Variants in DNAI3 observed in about 807,000 individuals in gnomAD.
DNAI3 encodes the protein dynein axonemal intermediate chain 3, also known as WD repeat domain 63.
DNAI3 carries 83 observed loss-of-function variants against 115.5 expected under a neutral mutation model. The ratio of observed to expected loss-of-function variants is 0.72; its 90% CI spans 0.60 to 0.86. DNAI3 has a LOEUF of 0.86. Ranked by LOEUF, DNAI3 falls within the 40% of genes least tolerant of loss-of-function variation. The pLI is 0.00. For synonymous variants in DNAI3, 320 were observed against 347.0 expected (o/e 0.92, Z 0.86); for missense variants, 1,004 against 1,075.8 (o/e 0.93, Z 0.93).
At chr1:85,075,238 C>T (rs1027914665) in intron 3 of DNAI3, among the ~76,000 whole-genome samples, 1 of 152,080 alleles carries the variant, frequency 6.6e-6, no homozygotes, top group Non-Finnish European at 1.5e-5. Flanking sequence ...ATCTGTCTCT[C>T]TGTCTAGATT....
intron 8 of DNAI3, among the ~76,000 whole-genome samples, chr1:85,092,136 G>A (rs1024943678): frequency 1.3e-5 from 2 of 152,154 alleles, no homozygotes; most frequent in African/African-American, 2.4e-5. Context: ...CAGTAAGTCG[G>A]GTGGAGCCTG....
At chr1:85,126,367 A>G (rs1257987792) in intron 19 of DNAI3, 144 bp from the exon 20 acceptor site, 1 of 814,050 alleles carries the variant, frequency 1.2e-6, no homozygotes, top group Non-Finnish European at 1.8e-6. Flanking sequence ...CCTACAACAA[A>G]GAGAAGTAAG....
At chr1:85,068,154 G>T (rs1571150311) in intron 1 of DNAI3, among the ~76,000 whole-genome samples, 1 of 151,038 alleles carries the variant, frequency 6.6e-6, no homozygotes, top group South Asian at 2.1e-4. Context: ...TATGTTCACT[G>T]TGCTAGTTAC....
At chr1:85,064,948 G>A (rs747519782) in intron 1 of DNAI3, among the ~76,000 whole-genome samples, 7 of 152,128 alleles carry the variant, frequency 4.6e-5, no homozygotes, top group African/African-American at 1.2e-4. Context: ...CAGGAGAATC[G>A]CTTGAACCCG....
chr1:85,088,714 TA>T (rs1654869541), intron 7 of DNAI3, among the ~76,000 whole-genome samples: 1 of 152,108 alleles, frequency 6.6e-6, no homozygotes, highest in Non-Finnish European at 1.5e-5. Context: ...GGGCATAATT[TA>T]AACTTGAAGC....
intron 7 of DNAI3, among the ~76,000 whole-genome samples, chr1:85,086,825 GA>G (rs1190157267): frequency 6.6e-6 from 1 of 151,962 alleles, no homozygotes; most frequent in African/African-American, 2.4e-5. Flanking sequence ...TCTCCATAGA[GA>G]AGCCCTGGTA....
At chr1:85,076,516 G>A (rs1186338134) in intron 3 of DNAI3, among the ~76,000 whole-genome samples, 1 of 152,138 alleles carries the variant, frequency 6.6e-6, no homozygotes, top group African/African-American at 2.4e-5. Flanking sequence ...GAAAAAAGAG[G>A]TTTAATTGAC....
chr1:85,117,549 G>A (rs1413322468), intron 16 of DNAI3, among the ~76,000 whole-genome samples, 180 bp from the exon 17 acceptor site: 1 of 152,200 alleles, frequency 6.6e-6, no homozygotes, highest in Non-Finnish European at 1.5e-5. Context: ...GTTTGGTTTG[G>A]AACAAAAGAG....
Position 85,133,057 on chromosome 1 carries a change from G to C in DNAI3, c.*59G>C. 6.5e-7 allele frequency: 1 copy of C among 1,545,720 alleles called. No individual in the cohort carries two copies. The highest frequency in any genetic ancestry group is 8.7e-7 in the Non-Finnish European group (1 of 1,146,942). ...TTCCCTCTATTTATTTTTATGTCAG[G>C]TGAACTGGCATGCTGAACATATATA... is the stretch of plus-strand genomic sequence containing the variant. On this transcript the variant is annotated 3_prime_UTR_variant, in exon 23 of 23. Transcript: ENST00000294664.
rs1391802558 is a variant in DNAI3 at position 85,094,478 on chromosome 1, G to A, written c.1096G>A (p.Val366Ile). The A allele has an allele frequency of 6.2e-7, 1 of 1,614,166 alleles. No individual in the cohort carries two copies. Reference protein sequence around the residue: ...VAVRLSFEDRVHFSGKLLLQP... With the variant: ...VAVRLSFEDRIHFSGKLLLQP... ...CGTGCGACTTTCTTTTGAAGACAGA[G>A]TTCACTTTTCTGGTAAATTATTGCT... is the stretch of plus-strand genomic sequence containing the variant. The change falls in exon 10 of 23, where the codon GTT becomes ATT. Residue 366 changes from valine to isoleucine, a missense_variant. Coordinates refer to ENST00000294664, the MANE Select transcript of DNAI3 (RefSeq NM_145172.5).
chr1:85,086,438 T>A (rs890077241), intron 7 of DNAI3, among the ~76,000 whole-genome samples: 8 of 152,132 alleles, frequency 5.3e-5, no homozygotes, highest in African/African-American at 1.9e-4. Flanking sequence ...AAAAAATACA[T>A]CCATCCAGAG....
chr1:85,120,942 C>T (rs1424217631), intron 17 of DNAI3, among the ~76,000 whole-genome samples: 1 of 152,212 alleles, frequency 6.6e-6, no homozygotes, highest in African/African-American at 2.4e-5. Flanking sequence ...ATCTCCCCTT[C>T]CTGGCTACAG....
intron 3 of DNAI3, among the ~76,000 whole-genome samples, chr1:85,080,722 T>A (rs539455434): frequency 2.6e-5 from 4 of 152,296 alleles, no homozygotes; most frequent in Non-Finnish European, 5.9e-5. Context: ...AAGAAAATAA[T>A]TTGAAATGCA....
chr1:85,097,992 G>A (rs1313181106), intron 12 of DNAI3, among the ~76,000 whole-genome samples: 1 of 152,198 alleles, frequency 6.6e-6, no homozygotes, highest in African/African-American at 2.4e-5. Flanking sequence ...TACCCAGGCT[G>A]TGGACCGTAG....
intron 8 of DNAI3, among the ~76,000 whole-genome samples, chr1:85,092,402 T>C (rs1349714148): frequency 1.3e-5 from 2 of 152,178 alleles, no homozygotes; most frequent in Admixed American, 6.5e-5. Flanking sequence ...TTTCTTATTT[T>C]AAGAAATTCA....
At chr1:85,070,122 G>A (rs576624791) in intron 1 of DNAI3, among the ~76,000 whole-genome samples, 54 of 152,156 alleles carry the variant, frequency 3.5e-4, no homozygotes, top group South Asian at 1.7e-3. Context: ...TTAGCCGGGC[G>A]TGCTGGCGTG....
intron 13 of DNAI3, among the ~76,000 whole-genome samples, chr1:85,099,535 A>G (rs1324096181): frequency 6.6e-6 from 1 of 152,208 alleles, no homozygotes; most frequent in Non-Finnish European, 1.5e-5. Flanking sequence ...CAATATCGTG[A>G]AAATGGCCAT....
chr1:85,127,383 T>C (rs1360500392), intron 20 of DNAI3, among the ~76,000 whole-genome samples: 3 of 152,214 alleles, frequency 2.0e-5, no homozygotes, highest in African/African-American at 7.2e-5. Context: ...TAGTAATTTC[T>C]ATGTAAATCC....
chr1:85,111,578 C>T (rs1166417699), intron 16 of DNAI3, among the ~76,000 whole-genome samples: 1 of 152,164 alleles, frequency 6.6e-6, no homozygotes, highest in East Asian at 1.9e-4. Flanking sequence ...TGGGAATTTC[C>T]ATTACCATTT....
Sources: gnomAD v4.1 joint callset for allele counts (sites outside exome capture counted in the v4.1 genomes callset) on GRCh38, gnomAD v4.1.1 for gene constraint, MANE v1.5 for transcripts, NCBI Gene and HGNC (gene_info 2026-07-23, HGNC 2026-07-21) for gene names.